CNTNAP2: variants seen among roughly 807,000 people sequenced by gnomAD.
CNTNAP2 encodes the protein contactin-associated protein-like 2.
CNTNAP2 carries 98 observed loss-of-function variants against 155.2 expected under a neutral mutation model. The ratio of observed to expected loss-of-function variants is 0.63; its 90% confidence interval spans 0.54 to 0.75. The LOEUF (loss-of-function observed/expected upper bound fraction) is 0.75, where lower values mean the gene tolerates loss of function less well. Among genes scored for constraint, CNTNAP2 ranks in the 30% least tolerant of loss-of-function variants. CNTNAP2 has a pLI of 0.00. For missense variants in CNTNAP2, 1,727 were observed against 1,688.1 expected, an observed-to-expected ratio of 1.02 and a Z score of -0.40; for synonymous variants, 651 against 631.2, an observed-to-expected ratio of 1.03 and a Z score of -0.47.
At chr7:146,703,444 T>C (rs1385954603) in intron 1 of CNTNAP2, among the ~76,000 whole-genome samples, 16 of 152,156 alleles carry the variant, frequency 1.1e-4, no homozygotes, top group Admixed American at 1.0e-3. Context: ...AGAATATTAA[T>C]TAGTCTCCAA....
At chr7:147,156,227 A>G (rs1801924381) in intron 8 of CNTNAP2, among the ~76,000 whole-genome samples, 1 of 152,158 alleles carries the variant, frequency 6.6e-6, no homozygotes, top group Non-Finnish European at 1.5e-5. Flanking sequence ...TAAAATTGTC[A>G]TATATGTGTT....
At chr7:147,334,148 G>A (rs1795625545) in intron 9 of CNTNAP2, among the ~76,000 whole-genome samples, 1 of 152,134 alleles carries the variant, frequency 6.6e-6, no homozygotes, top group South Asian at 2.1e-4. Context: ...CAAAGCTAAT[G>A]TCTTAATCCA....
intron 21 of CNTNAP2, 21 bp from the exon 22 acceptor site, chr7:148,383,628 T>G: frequency 6.2e-7 from 1 of 1,614,224 alleles, no homozygotes; most frequent in Non-Finnish European, 8.5e-7. Context: ...AGTAACATTT[T>G]CATTTCTTTT....
chr7:147,159,129 C>T (rs1045323839), intron 8 of CNTNAP2, among the ~76,000 whole-genome samples: 1 of 151,890 alleles, frequency 6.6e-6, no homozygotes, highest in Non-Finnish European at 1.5e-5. Context: ...ACAACATCTT[C>T]GGGCAATTTT....
chr7:147,532,448 A>G (rs1799457898), intron 11 of CNTNAP2, among the ~76,000 whole-genome samples: 1 of 152,116 alleles, frequency 6.6e-6, no homozygotes, highest in African/African-American at 2.4e-5. Context: ...GCCATTCAAC[A>G]AGTCTCTAGG....
intron 3 of CNTNAP2, among the ~76,000 whole-genome samples, chr7:146,997,362 A>T (rs149503120): frequency 0.011 from 1,728 of 152,242 alleles, 17 homozygotes; most frequent in Middle Eastern, 0.044. Flanking sequence ...TGTTAGTGTG[A>T]TGTGTCACAT....
chr7:147,265,070 G>A (rs1283423862), intron 8 of CNTNAP2, among the ~76,000 whole-genome samples: 1 of 152,120 alleles, frequency 6.6e-6, no homozygotes, highest in Non-Finnish European at 1.5e-5. Flanking sequence ...GCGTTGCTCA[G>A]GTTGTACTTC....
intron 14 of CNTNAP2, among the ~76,000 whole-genome samples, chr7:147,946,612 C>T (rs1435886288): frequency 6.6e-6 from 1 of 151,964 alleles, no homozygotes; most frequent in Non-Finnish European, 1.5e-5. Flanking sequence ...TGATCAGCTG[C>T]CCTCACATGA....
chr7:146,952,803 C>A (rs571839862), intron 3 of CNTNAP2, among the ~76,000 whole-genome samples: 2 of 152,062 alleles, frequency 1.3e-5, no homozygotes, highest in African/African-American at 4.8e-5. Context: ...TTTCTAAAGG[C>A]ACATAAGATC....
chr7:146,568,630 C>T (rs1355134323), intron 1 of CNTNAP2, among the ~76,000 whole-genome samples: 1 of 152,126 alleles, frequency 6.6e-6, no homozygotes, highest in Non-Finnish European at 1.5e-5. Flanking sequence ...CATACAGATT[C>T]TTGATTCAAA....
chr7:147,311,227 G>A (rs1226129687), intron 9 of CNTNAP2, among the ~76,000 whole-genome samples: 1 of 152,136 alleles, frequency 6.6e-6, no homozygotes, highest in Non-Finnish European at 1.5e-5. Context: ...TTCATCATGG[G>A]TTAGTTCAGG....
intron 1 of CNTNAP2, among the ~76,000 whole-genome samples, chr7:146,645,216 A>T (rs1057043955): frequency 6.6e-6 from 1 of 152,192 alleles, no homozygotes; most frequent in Non-Finnish European, 1.5e-5. Flanking sequence ...AATTCCCTGA[A>T]TGAATAATGA....
At chr7:147,116,364 G>A (rs1200389986) in intron 5 of CNTNAP2, among the ~76,000 whole-genome samples, 1 of 152,184 alleles carries the variant, frequency 6.6e-6, no homozygotes, top group Admixed American at 6.5e-5. Context: ...GTGCTGTGTT[G>A]GAGATTTCTT....
At chr7:148,190,104 C>G (rs1359850020) in intron 18 of CNTNAP2, 3 of 152,186 alleles carry the variant, frequency 2.0e-5, no homozygotes, top group Non-Finnish European at 2.9e-5. Flanking sequence ...CTTGCTTAAG[C>G]CAACAGAATG....
At chr7:147,635,792 G>A (rs865905631) in intron 12 of CNTNAP2, among the ~76,000 whole-genome samples, 32 of 152,214 alleles carry the variant, frequency 2.1e-4, no homozygotes, top group African/African-American at 6.0e-4. Flanking sequence ...TTGAAAAGAC[G>A]TTTATGACCC....
chr7:146,195,424 G>T lies in CNTNAP2; in HGVS notation c.97+78451G>T, dbSNP rs1171700456. ...CATAAACTAAACAGTGACTGACACA[G>T]TTTAAAATTGCTTTCATTCTTTCTC... On this transcript the variant is annotated intron_variant, in intron 1 of 23. Transcript: ENST00000361727. 2.0e-5 allele frequency among the ~76,000 whole-genome samples: 3 copies of T among 152,296 alleles called. No individual in the cohort carries two copies. The East Asian group carries it at 5.8e-4, about 29-fold the overall frequency.
At chr7:148,195,043 A>G (rs1795254688) in intron 18 of CNTNAP2, among the ~76,000 whole-genome samples, 1 of 152,170 alleles carries the variant, frequency 6.6e-6, no homozygotes, top group South Asian at 2.1e-4. Context: ...CAACACCCAA[A>G]TGATTGTCAG....
rs200479536 is a variant in CNTNAP2, at chr7:148,411,047, CAA to C, written c.3796+1577_3796+1578del. ...ACTAAAAATGTATCAGAAGATTTAA[CAA>C]GCTGTAGCATCTAAAATATTCCAGT... On this transcript the variant is annotated intron_variant, in intron 23 of 23. Transcript: ENST00000361727. Among the ~76,000 whole-genome samples the C allele has an allele frequency of 7.4e-3, 1,130 of 152,218 alleles. 10 individuals are homozygous for C. The highest frequency in any genetic ancestry group is 0.037 in the South Asian group (178 of 4,808).
At chr7:146,198,656 A>G (rs1488399331) in intron 1 of CNTNAP2, among the ~76,000 whole-genome samples, 2 of 152,122 alleles carry the variant, frequency 1.3e-5, no homozygotes, top group African/African-American at 4.8e-5. Flanking sequence ...TAAGATCTCA[A>G]CTTGTCTTCA....
Sources: gnomAD v4.1 joint callset for allele counts (sites outside exome capture counted in the v4.1 genomes callset) on GRCh38, gnomAD v4.1.1 for gene constraint, MANE v1.5 for transcripts, NCBI Gene and HGNC (gene_info 2026-07-23, HGNC 2026-07-21) for gene names.